The following KCNH7 variants were observed in gnomAD, a reference collection of about 807,000 sequenced individuals.
The protein encoded by KCNH7 is potassium voltage-gated channel subfamily H member 7.
Under a neutral mutation model 120.8 loss-of-function variants are expected in KCNH7, and 49 were observed. That is an observed-to-expected ratio of 0.41 (90% CI 0.32 to 0.51). The LOEUF is 0.51. KCNH7 is among the 20% of genes least tolerant of loss of function. The pLI is 0.38. For synonymous variants in KCNH7, 547 were observed against 516.1 expected, an observed-to-expected ratio of 1.06 and a Z score of -0.81; for missense variants, 1,097 against 1,446.6, an observed-to-expected ratio of 0.76 and a Z score of 3.92.
chr2:162,671,036 C>G (rs146887162), intron 2 of KCNH7, among the ~76,000 whole-genome samples: 1 of 151,892 alleles, frequency 6.6e-6, no homozygotes, highest in Non-Finnish European at 1.5e-5. Flanking sequence ...CCAACTTATA[C>G]CAGTCAGAAT....
intron 2 of KCNH7, among the ~76,000 whole-genome samples, chr2:162,624,303 G>A (rs1419563493): frequency 1.3e-5 from 2 of 152,050 alleles, no homozygotes; most frequent in South Asian, 2.1e-4. Context: ...AAGAGGAAGG[G>A]GAAAAACAGT....
chr2:162,420,321 A>G lies in KCNH7; in HGVS notation c.2154+3015T>C, dbSNP rs567563638. Among the ~76,000 whole-genome samples, 3 of 152,298 alleles carry G rather than the reference A, an allele frequency of 2.0e-5. No homozygotes were observed. The South Asian group carries it at 6.2e-4, about 32-fold the overall frequency. On this transcript the variant is annotated intron_variant, in intron 9 of 15. Transcript: ENST00000332142. ...AACCCAGGAGGTGGAGGTTGCAGTGAGCCTAGATGGCACTGCTGCACTCTA... is the reference window on the plus strand; with the variant it reads ...AACCCAGGAGGTGGAGGTTGCAGTGGGCCTAGATGGCACTGCTGCACTCTA...
At chr2:162,555,783 A>T (rs1692834976) in intron 2 of KCNH7, among the ~76,000 whole-genome samples, 1 of 152,058 alleles carries the variant, frequency 6.6e-6, no homozygotes, top group South Asian at 2.1e-4. Context: ...GTCTATAAAG[A>T]TTTAGAATCA....
intron 7 of KCNH7, among the ~76,000 whole-genome samples, chr2:162,441,189 T>C (rs1688404564): frequency 6.6e-6 from 1 of 152,214 alleles, no homozygotes; most frequent in Non-Finnish European, 1.5e-5. Context: ...TGTAGAAATG[T>C]ATATGTATAT....
At chr2:162,668,838 G>C (rs1312995649) in intron 2 of KCNH7, among the ~76,000 whole-genome samples, 1 of 152,094 alleles carries the variant, frequency 6.6e-6, no homozygotes, top group South Asian at 2.1e-4. Context: ...AAAAACCATC[G>C]TAAGTACATA....
chr2:162,515,518 G>C (rs902306572), intron 4 of KCNH7, among the ~76,000 whole-genome samples: 1 of 151,712 alleles, frequency 6.6e-6, no homozygotes, highest in Non-Finnish European at 1.5e-5. Context: ...TTATAAGTCA[G>C]GATCTCTCTA....
At chr2:162,445,258 C>A (rs570418029) in intron 7 of KCNH7, among the ~76,000 whole-genome samples, 1 of 152,180 alleles carries the variant, frequency 6.6e-6, no homozygotes, top group African/African-American at 2.4e-5. Flanking sequence ...GAAAAAGACA[C>A]AATTTTTAAA....
intron 2 of KCNH7, among the ~76,000 whole-genome samples, chr2:162,683,926 C>T (rs1685796510): frequency 6.6e-6 from 1 of 152,024 alleles, no homozygotes; most frequent in Non-Finnish European, 1.5e-5. Flanking sequence ...GGAGGCATCA[C>T]ACTACCTGAC....
chr2:162,399,219 G>T lies in KCNH7; in HGVS notation c.2407+970C>A, dbSNP rs143367382. 3.1e-3 allele frequency among the ~76,000 whole-genome samples: 467 copies of T among 151,894 alleles called. 2 individuals carry two copies. Among genetic ancestry groups the T allele is most frequent in the African/African-American group, 0.011 (438 of 41,490 alleles). ...GGGAGAGTGAGGCTTAAACCTACCG[G>T]CTATGTGGTAGGAGAAAAGAAGAAT... is the stretch of plus-strand genomic sequence containing the variant. On this transcript the variant is annotated intron_variant, in intron 10 of 15. Transcript: ENST00000332142.
chr2:162,591,262 T>TTTG (rs1694207973), intron 2 of KCNH7, among the ~76,000 whole-genome samples: 2 of 152,046 alleles, frequency 1.3e-5, no homozygotes, highest in South Asian at 4.1e-4. Context: ...TCTTTATTTT[T>TTTG]TGTGTCTTAT....
intron 6 of KCNH7, among the ~76,000 whole-genome samples, chr2:162,489,809 G>A (rs931329466): frequency 1.3e-5 from 2 of 152,116 alleles, no homozygotes; most frequent in African/African-American, 4.8e-5. Context: ...CTGTTTTGCT[G>A]AACCAAGCTT....
At chr2:162,758,752 A>G (rs1472771051) in intron 2 of KCNH7, among the ~76,000 whole-genome samples, 2 of 152,122 alleles carry the variant, frequency 1.3e-5, no homozygotes, top group Non-Finnish European at 2.9e-5. Flanking sequence ...ATAGGTTTGC[A>G]TTGTCTACTT....
intron 6 of KCNH7, among the ~76,000 whole-genome samples, chr2:162,480,477 C>A (rs923802078): frequency 6.6e-6 from 1 of 152,154 alleles, no homozygotes; most frequent in African/African-American, 2.4e-5. Context: ...CTTTCTCCTG[C>A]CATCCCTCAC....
At chr2:162,489,462 G>T (rs1183473014) in intron 6 of KCNH7, among the ~76,000 whole-genome samples, 2 of 152,136 alleles carry the variant, frequency 1.3e-5, no homozygotes, top group Non-Finnish European at 2.9e-5. Flanking sequence ...TGACCCACAT[G>T]CAGCTCACGG....
intron 6 of KCNH7, among the ~76,000 whole-genome samples, chr2:162,486,479 A>C (rs1240001216): frequency 6.6e-6 from 1 of 152,220 alleles, no homozygotes; most frequent in Non-Finnish European, 1.5e-5. Flanking sequence ...TAGAAAAAGA[A>C]ATATATGTGG....
At chr2:162,440,117 G>T (rs983246903) in intron 7 of KCNH7, among the ~76,000 whole-genome samples, 4 of 151,354 alleles carry the variant, frequency 2.6e-5, no homozygotes, top group Non-Finnish European at 4.4e-5. Flanking sequence ...AAAAATTTTT[G>T]AAAAATAATT....
At chr2:162,387,640 A>T (rs1238563064) in intron 12 of KCNH7, among the ~76,000 whole-genome samples, 3 of 151,672 alleles carry the variant, frequency 2.0e-5, no homozygotes, top group Non-Finnish European at 4.4e-5. Flanking sequence ...TCAGAAGATG[A>T]AAAACTTTTT....
intron 2 of KCNH7, among the ~76,000 whole-genome samples, chr2:162,592,615 A>G (rs1694246136): frequency 6.6e-6 from 1 of 152,064 alleles, no homozygotes; most frequent in African/African-American, 2.4e-5. Flanking sequence ...GGCTGCAGCT[A>G]ATGCTTACTA....
intron 6 of KCNH7, among the ~76,000 whole-genome samples, chr2:162,493,330 AAAAT>A (rs1251997096): frequency 1.3e-5 from 2 of 152,318 alleles, no homozygotes; most frequent in African/African-American, 4.8e-5. Flanking sequence ...GGCTTAAAGA[AAAAT>A]AAGCACTTAG....
Sources: gnomAD v4.1 joint callset for allele counts (sites outside exome capture counted in the v4.1 genomes callset) on GRCh38, gnomAD v4.1.1 for gene constraint, MANE v1.5 for transcripts, NCBI Gene and HGNC (gene_info 2026-07-23, HGNC 2026-07-21) for gene names.